The following MFHAS1 variants were observed in gnomAD, a reference collection of about 807,000 sequenced individuals.
The protein encoded by MFHAS1 is multifunctional ROCO family signaling regulator 1.
MFHAS1 carries 50 observed loss-of-function variants against 70.4 expected under a neutral mutation model. The ratio of observed to expected loss-of-function variants is 0.71; its 90% confidence interval spans 0.57 to 0.90. The LOEUF is 0.90. Among genes scored for constraint, MFHAS1 ranks in the 40% least tolerant of loss-of-function variants. The pLI is 0.00. For synonymous variants in MFHAS1, 952 were observed against 620.0 expected, an observed-to-expected ratio of 1.54 and a Z score of -7.96; for missense variants, 1,795 against 1,347.6, an observed-to-expected ratio of 1.33 and a Z score of -5.20.
Position 8,890,414 on chromosome 8 carries a change from A to G in MFHAS1, c.2645T>C (p.Ile882Thr). Residue 882 changes from isoleucine to threonine, a missense_variant, in exon 1 of 3, where the codon ATT becomes ACT. Coordinates refer to ENST00000276282, the MANE Select transcript of MFHAS1 (RefSeq NM_004225.3). ...AAAAGTAAAAGGAAAGCTATATTCAATCTGCAACTGCTCAGCCACAAAAGA... is the reference window on the plus strand; with the variant it reads ...AAAAGTAAAAGGAAAGCTATATTCAGTCTGCAACTGCTCAGCCACAAAAGA... ...GQSFVAEQLQ[I>T]EYSFPFTFPL... 1 of 1,614,054 alleles carries G rather than the reference A, an allele frequency of 6.2e-7. No homozygotes were observed. Among genetic ancestry groups the G allele is most frequent in the Non-Finnish European group, 8.5e-7 (1 of 1,180,042 alleles).
chr8:8,794,124 A>AG (rs1460373189), intron 2 of MFHAS1, among the ~76,000 whole-genome samples: 11 of 151,936 alleles, frequency 7.2e-5, no homozygotes, highest in African/African-American at 2.7e-4. Context: ...CTGGAGGTGG[A>AG]GTTTGCAATG....
intron 1 of MFHAS1, among the ~76,000 whole-genome samples, chr8:8,826,011 G>A (rs932599906): frequency 6.6e-6 from 1 of 152,152 alleles, no homozygotes. Flanking sequence ...TGAGTAACTG[G>A]TTGGACAGCT....
chr8:8,813,617 A>G (rs886150423), intron 1 of MFHAS1, among the ~76,000 whole-genome samples: 1 of 152,192 alleles, frequency 6.6e-6, no homozygotes, highest in Non-Finnish European at 1.5e-5. Flanking sequence ...AAACTCATAC[A>G]ATAAGGATAT....
rs1302518332 is a variant in MFHAS1 at position 8,892,970 on chromosome 8, C to T, written c.89G>A (p.Arg30His). The stretch of plus-strand genomic sequence containing the variant: ...CCCGGCGGCGGTAAGCGTGAGCTGG[C>T]GCAGGTTGCTCCGCAGCTTCCTGGC... ...LRARKLRSNL[R>H]QLTLTAAGAC... is the part of the protein sequence containing the mutation. The change falls in exon 1 of 3, where the codon CGC (arginine) becomes CAC (histidine). Residue 30 changes from arginine (R) to histidine (H), a missense_variant. Arg to His is a conservative substitution (Grantham distance 29). Coordinates refer to ENST00000276282, the MANE Select transcript of MFHAS1 (RefSeq NM_004225.3). This position sits in a 1 kb window ranked among gnomAD's most constrained non-coding sequence, Gnocchi z 4.7. 1.3e-6 allele frequency: 2 copies of T among 1,543,898 alleles called. No homozygotes were observed. The highest frequency in any genetic ancestry group is 5.0e-5 in the East Asian group (2 of 39,838).
At chr8:8,813,226 C>A (rs59046059) in intron 1 of MFHAS1, among the ~76,000 whole-genome samples, 65,559 of 152,118 alleles carry the variant, frequency 0.43, 15,714 homozygotes, top group East Asian at 0.78. Flanking sequence ...ACCTACTTCA[C>A]TGCCAGTCAT....
At chr8:8,846,418 C>A (rs1323973764) in intron 1 of MFHAS1, among the ~76,000 whole-genome samples, 2 of 151,904 alleles carry the variant, frequency 1.3e-5, no homozygotes, top group Non-Finnish European at 1.5e-5. Context: ...TGCTACTATG[C>A]AAGTCCAAGG....
intron 1 of MFHAS1, among the ~76,000 whole-genome samples, chr8:8,879,912 T>C (rs1031284843): frequency 7.9e-5 from 12 of 152,212 alleles, no homozygotes; most frequent in Non-Finnish European, 1.8e-4. Flanking sequence ...CCACTCTACC[T>C]TCATTAGGTC....
chr8:8,882,417 A>C lies in MFHAS1; in HGVS notation c.2998+7644T>G, dbSNP rs1029144511. On this transcript the variant is annotated intron_variant, in intron 1 of 2. Coordinates refer to ENST00000276282, the MANE Select transcript of MFHAS1 (RefSeq NM_004225.3). Reference sequence around the variant, plus strand: ...ACAAACAAACAAACAAACAAACAAAATATCATAAACAACCAAAAAAGCACT... The same window carrying C: ...ACAAACAAACAAACAAACAAACAAACTATCATAAACAACCAAAAAAGCACT... Among the ~76,000 whole-genome samples the C allele has an allele frequency of 3.3e-5, 5 of 150,684 alleles. No individual in the cohort carries two copies. In the East Asian group the frequency reaches 9.7e-4, roughly 29 times the overall value.
At chr8:8,806,652 C>T (rs1302391909) in intron 1 of MFHAS1, among the ~76,000 whole-genome samples, 1 of 152,128 alleles carries the variant, frequency 6.6e-6, no homozygotes, top group East Asian at 1.9e-4. Context: ...TGAGATTTCT[C>T]TGGAATTTCT....
intron 2 of MFHAS1, among the ~76,000 whole-genome samples, chr8:8,787,528 A>C (rs986576533): frequency 6.6e-6 from 1 of 152,214 alleles, no homozygotes; most frequent in Non-Finnish European, 1.5e-5. Flanking sequence ...GAGCCCTAGG[A>C]AAGAGTTTCA....
chr8:8,865,336 T>C (rs999197271), intron 1 of MFHAS1, among the ~76,000 whole-genome samples: 1 of 133,454 alleles, frequency 7.5e-6, no homozygotes, highest in African/African-American at 2.8e-5. Context: ...GGCTGAGAAA[T>C]TATTTCCCCA....
chr8:8,861,264 C>T (rs1389354517), intron 1 of MFHAS1, among the ~76,000 whole-genome samples: 2 of 152,188 alleles, frequency 1.3e-5, no homozygotes, highest in Non-Finnish European at 2.9e-5. Flanking sequence ...TGACCATTGC[C>T]AAGTCTTTCC....
rs1443396974 is a variant in MFHAS1 at position 8,783,961 on chromosome 8, CTCT to C, written c.*2058_*2060del. 6.6e-6 allele frequency: 1 copy of C among 152,112 alleles called. No individual in the cohort carries two copies. The highest frequency in any genetic ancestry group is 2.4e-5 in the African/African-American group (1 of 41,402). The allele number at this position is 152,112 out of a possible 1,614,324, so 9.4% of individuals were successfully genotyped here. A position where few individuals can be genotyped will look rare whatever the true frequency, so the allele number is the denominator to read the frequency against. On this transcript the variant is annotated 3_prime_UTR_variant, in exon 3 of 3. Coordinates refer to ENST00000276282, the MANE Select transcript of MFHAS1 (RefSeq NM_004225.3). ...AAGACACATGTGACACCAAGGTTTC[CTCT>C]GACACTGCTTCTCTAGGGTTCAGAT...
chr8:8,821,626 T>A (rs1448549276), intron 1 of MFHAS1, among the ~76,000 whole-genome samples: 1 of 118,974 alleles, frequency 8.4e-6, no homozygotes, highest in East Asian at 4.9e-4. Flanking sequence ...AGTGTTTAAA[T>A]CTTCCTTTGA....
At chr8:8,841,670 A>C (rs1396383699) in intron 1 of MFHAS1, among the ~76,000 whole-genome samples, 1 of 152,104 alleles carries the variant, frequency 6.6e-6, no homozygotes, top group Admixed American at 6.6e-5. Flanking sequence ...AGCTCCTTCC[A>C]GGCTGCAGAG....
At position 8,854,954 on chromosome 8, in the gene MFHAS1, C is replaced by G. The variant is rs942250025; in HGVS notation, c.2998+35107G>C. 3.3e-5 allele frequency among the ~76,000 whole-genome samples: 5 copies of G among 152,122 alleles called. No individual in the cohort carries two copies. In the South Asian group the frequency reaches 1.0e-3, roughly 32 times the overall value. On this transcript the variant is annotated intron_variant, in intron 1 of 2. Coordinates refer to ENST00000276282, the MANE Select transcript of MFHAS1 (RefSeq NM_004225.3). ...ATACAGGATCTCACTCTATACCCCA[C>G]GCTGGAGTGCAGTGATACTATCACA...
chr8:8,832,851 G>C (rs915179399), intron 1 of MFHAS1, among the ~76,000 whole-genome samples: 10 of 152,008 alleles, frequency 6.6e-5, no homozygotes, highest in African/African-American at 2.4e-4. Context: ...CCCAGGCTAA[G>C]AATTTTTACA....
Position 8,890,589 on chromosome 8 carries a change from G to A in MFHAS1, c.2470C>T (p.Leu824=), listed in dbSNP as rs1156683273. 1.2e-6 allele frequency: 2 copies of A among 1,613,776 alleles called. No homozygotes were observed. The highest frequency in any genetic ancestry group is 2.2e-5 in the East Asian group (1 of 44,888). Residue 824 remains leucine, a synonymous_variant, in exon 1 of 3, where the codon CTG becomes TTG. Coordinates refer to ENST00000276282, the MANE Select transcript of MFHAS1 (RefSeq NM_004225.3). The part of the protein sequence containing the change: ...QQDLQLLLEL[L]EKMGLCYCLN... The stretch of plus-strand genomic sequence containing the variant: ...CAGTAACAGAGTCCCATCTTCTCCA[G>A]CAGCTCCAGCAACAGCTGCAAGTCC...
chr8:8,819,371 C>T (rs978908079), intron 1 of MFHAS1, among the ~76,000 whole-genome samples: 2 of 151,952 alleles, frequency 1.3e-5, no homozygotes, highest in South Asian at 2.1e-4. Flanking sequence ...TTTGGGAGGC[C>T]GAGGTGGGCG....
Sources: gnomAD v4.1 joint callset for allele counts (sites outside exome capture counted in the v4.1 genomes callset) on GRCh38, gnomAD v4.1.1 for gene constraint, Gnocchi (gnomAD v3.1) non-coding constraint, MANE v1.5 for transcripts, NCBI Gene and HGNC (gene_info 2026-07-23, HGNC 2026-07-21) for gene names.